MED13: variants seen among roughly 807,000 people sequenced by gnomAD.
The protein encoded by MED13 is mediator complex subunit 13.
Under a neutral mutation model 225.2 loss-of-function variants are expected in MED13, and 23 were observed. The ratio of observed to expected loss-of-function variants is 0.10; its 90% CI spans 0.07 to 0.14. MED13 has a LOEUF of 0.14. MED13 is among the 10% of genes least tolerant of loss of function. The pLI is 1.00. For synonymous variants in MED13, 942 were observed against 889.2 expected, an observed-to-expected ratio of 1.06 and a Z score of -1.06; for missense variants, 2,197 against 2,594.5, an observed-to-expected ratio of 0.85 and a Z score of 3.33.
At chr17:62,050,555 G>A (rs2080947872) in intron 3 of MED13, among the ~76,000 whole-genome samples, 1 of 151,512 alleles carries the variant, frequency 6.6e-6, no homozygotes, top group Middle Eastern at 3.4e-3. Context: ...GAATAAGCAT[G>A]TTATGTCTTT....
At chr17:61,961,214 G>T in intron 22 of MED13, 124 bp from the exon 23 acceptor site, 1 of 898,948 alleles carries the variant, frequency 1.1e-6, no homozygotes, top group Non-Finnish European at 1.7e-6. Context: ...GCCAAAAATT[G>T]CACTTAGTTT....
intron 10 of MED13, among the ~76,000 whole-genome samples, 179 bp from the exon 11 acceptor site, chr17:61,992,800 C>T (rs934100202): frequency 6.6e-5 from 10 of 151,840 alleles, no homozygotes; most frequent in African/African-American, 2.2e-4. Flanking sequence ...GATGGACTCT[C>T]GCTCTATCAC....
intron 10 of MED13, among the ~76,000 whole-genome samples, chr17:61,993,936 C>T (rs1195304570): frequency 8.7e-6 from 1 of 115,398 alleles, no homozygotes; most frequent in South Asian, 2.5e-4. Flanking sequence ...CGTCTCAAAA[C>T]AAACAAACAA....
At chr17:61,972,621 T>C in intron 17 of MED13, 106 bp downstream of exon 17, 1 of 1,077,920 alleles carries the variant, frequency 9.3e-7, no homozygotes, top group Non-Finnish European at 1.3e-6. Context: ...CTTAAGAATA[T>C]ATCACAAATA....
chr17:61,992,312 T>C (rs559703185), intron 11 of MED13, among the ~76,000 whole-genome samples: 2 of 152,320 alleles, frequency 1.3e-5, no homozygotes, highest in South Asian at 4.1e-4. Context: ...ACTATTTTTA[T>C]ATGTAAAAAC....
Position 61,982,352 on chromosome 17 carries a change from A to C in MED13, c.3651T>G (p.Ile1217Met), listed in dbSNP as rs2080212126. 6.2e-7 allele frequency: 1 copy of C among 1,614,084 alleles called. No individual in the cohort carries two copies. The highest frequency in any genetic ancestry group is 1.3e-5 in the African/African-American group (1 of 74,920). The change falls in exon 16 of 30, where the codon ATT becomes ATG. Residue 1217 changes from isoleucine to methionine, a missense_variant. By Grantham distance (10) the Ile-to-Met change is conservative (BLOSUM62 1). This residue lies in a region of MED13 where 203 missense variants were observed against 209.7 expected (regional missense o/e 0.97). Transcript: ENST00000397786. ...DQDPFPKSGV[I>M]SNWVRVEERD... ...GCTCTTCAACACGTACCCAATTGCTAATTACACCACTTTTAGGAAAAGGAT... is the reference window on the plus strand; with the variant it reads ...GCTCTTCAACACGTACCCAATTGCTCATTACACCACTTTTAGGAAAAGGAT...
chr17:61,942,656 GTTTT>G lies in MED13; in HGVS notation c.*3808_*3811del, dbSNP rs1049735085. 7.2e-6 allele frequency: 1 copy of G among 138,764 alleles called. No individual in the cohort carries two copies. Among genetic ancestry groups the G allele is most frequent in the Non-Finnish European group, 1.6e-5 (1 of 63,082 alleles). The allele number at this position is 138,764 out of a possible 1,614,324, so 8.6% of individuals were successfully genotyped here. A position where few individuals can be genotyped will look rare whatever the true frequency, so the allele number is the denominator to read the frequency against. On this transcript the variant is annotated 3_prime_UTR_variant, in exon 30 of 30. Coordinates refer to ENST00000397786, the MANE Select transcript of MED13 (RefSeq NM_005121.3). ...ATTTGAAGTTTTGTTTTTTGTTTTTGTTTTTTTTTTTTTAAAAAGTATAAACCTT... is the reference window on the plus strand; with the variant it reads ...ATTTGAAGTTTTGTTTTTTGTTTTTGTTTTTTTTTAAAAAGTATAAACCTT...
rs759852613 is a variant in MED13, at chr17:61,946,396, T to C, written c.*72A>G. On this transcript the variant is annotated 3_prime_UTR_variant, in exon 30 of 30. Coordinates refer to ENST00000397786, the MANE Select transcript of MED13 (RefSeq NM_005121.3). ...CAAATGACCTTCACTGAGAAGATAA[T>C]TGTAACTTAATCCTGCAGCGAAACA... The C allele has an allele frequency of 2.2e-5, 33 of 1,528,346 alleles. No homozygotes were observed. The highest frequency in any genetic ancestry group is 9.2e-5 in the Admixed American group (5 of 54,256). 94.7% of individuals were successfully genotyped at this position (1,528,346 alleles called of 1,614,324 possible). A position where few individuals can be genotyped will look rare whatever the true frequency, so the allele number is the denominator to read the frequency against.
intron 3 of MED13, among the ~76,000 whole-genome samples, chr17:62,048,826 T>C (rs967160260): frequency 6.6e-6 from 1 of 152,062 alleles, no homozygotes; most frequent in Admixed American, 6.6e-5. Context: ...GCCTGCAATG[T>C]CATAAGCTAC....
At chr17:61,988,384 A>T (rs1183702196) in intron 11 of MED13, among the ~76,000 whole-genome samples, 1 of 152,340 alleles carries the variant, frequency 6.6e-6, no homozygotes, top group East Asian at 1.9e-4. Flanking sequence ...CCTGCACAAG[A>T]AAAACAATTT....
intron 12 of MED13, among the ~76,000 whole-genome samples, chr17:61,985,304 A>T (rs1418033309): frequency 2.0e-5 from 3 of 152,210 alleles, no homozygotes; most frequent in African/African-American, 7.2e-5. Context: ...TCCAAATTAA[A>T]AGGAAAAAGT....
chr17:62,002,778 A>ACTT (rs2080407780), intron 9 of MED13, among the ~76,000 whole-genome samples: 1 of 152,242 alleles, frequency 6.6e-6, no homozygotes, highest in African/African-American at 2.4e-5. Flanking sequence ...GGAGTGACTG[A>ACTT]AATAGTATGG....
Position 62,010,608 on chromosome 17 carries a change from T to C in MED13, c.1909A>G (p.Lys637Glu), listed in dbSNP as rs2080497385. Reference sequence around the variant, plus strand: ...GGTCCAACTGGATCATCCTTGAATTTATCACTTGGAAGTTGAGGTGGTAAA... The same window carrying C: ...GGTCCAACTGGATCATCCTTGAATTCATCACTTGGAAGTTGAGGTGGTAAA... ...EFLPPQLPSDKFKDDPVGPFG... is the reference protein window; with the variant it reads ...EFLPPQLPSDEFKDDPVGPFG... The change falls in exon 9 of 30, where the codon AAA becomes GAA. Residue 637 changes from lysine to glutamate, a missense_variant. Lys to Glu is a moderately conservative substitution (Grantham distance 56, BLOSUM62 1). This residue lies in a region of MED13 where 884 missense variants were observed against 918.5 expected (regional missense o/e 0.96). Coordinates refer to ENST00000397786, the MANE Select transcript of MED13 (RefSeq NM_005121.3). 6 of 1,493,884 alleles carry C rather than the reference T, an allele frequency of 4.0e-6. No homozygotes were observed. The highest frequency in any genetic ancestry group is 3.6e-6 in the Non-Finnish European group (4 of 1,120,976). 92.5% of individuals were successfully genotyped at this position (1,493,884 alleles called of 1,614,324 possible). A position where few individuals can be genotyped will look rare whatever the true frequency, so the allele number is the denominator to read the frequency against.
chr17:61,985,480 G>A (rs573732064), intron 12 of MED13, among the ~76,000 whole-genome samples: 50 of 152,194 alleles, frequency 3.3e-4, no homozygotes, highest in African/African-American at 1.1e-3. Flanking sequence ...TTTGAGACCA[G>A]CCTGGCCAAC....
In MED13 at chr17:61,960,886, T is replaced by C; in HGVS notation, c.5461A>G (p.Asn1821Asp). Residue 1821 changes from asparagine (N) to aspartate (D), a missense_variant, in exon 23 of 30, where the codon AAC (asparagine) becomes GAC (aspartate). This residue lies in a region of MED13 where 78 missense variants were observed against 82.1 expected (regional missense o/e 0.95). Transcript: ENST00000397786. ...AAATACCTATTTGGAACATCGATGT[T>C]AATGATACAAGTTTCTAAAAGTTCT... ...YGELLETCII[N>D]IDVPNRARRK... is the part of the protein sequence containing the mutation. 1 of 1,607,390 alleles carries C rather than the reference T, an allele frequency of 6.2e-7. No individual in the cohort carries two copies. Among genetic ancestry groups the C allele is most frequent in the Non-Finnish European group, 8.5e-7 (1 of 1,174,882 alleles).
At chr17:61,956,274 G>A in intron 24 of MED13, 65 bp downstream of exon 24, 1 of 1,481,884 alleles carries the variant, frequency 6.7e-7, no homozygotes, top group African/African-American at 1.4e-5. Context: ...ACCTAGACGT[G>A]GTCAGAACTG....
chr17:62,034,360 G>A (rs911873474), intron 4 of MED13, among the ~76,000 whole-genome samples: 2 of 151,788 alleles, frequency 1.3e-5, no homozygotes, highest in African/African-American at 2.4e-5. Context: ...GGTTGCACAC[G>A]CCTGCAATCC....
At chr17:62,059,967 T>C (rs573372122) in intron 2 of MED13, among the ~76,000 whole-genome samples, 85 of 152,308 alleles carry the variant, frequency 5.6e-4, no homozygotes, top group African/African-American at 2.0e-3. Flanking sequence ...TTTCAGTTTA[T>C]TATTTCAATC....
chr17:62,030,158 T>C, intron 6 of MED13, 145 bp from the exon 7 acceptor site: 1 of 806,024 alleles, frequency 1.2e-6, no homozygotes, highest in South Asian at 3.0e-5. Flanking sequence ...AGCATGCTAC[T>C]TTTTGGAACC....
Sources: gnomAD v4.1 joint callset for allele counts (sites outside exome capture counted in the v4.1 genomes callset) on GRCh38, gnomAD v4.1.1 for gene constraint, gnomAD v4.1.1 regional missense constraint, MANE v1.5 for transcripts, NCBI Gene and HGNC (gene_info 2026-07-23, HGNC 2026-07-21) for gene names.